Variants in SLIT3 observed in about 807,000 individuals in gnomAD.
SLIT3 encodes slit homolog 3 protein.
SLIT3 carries 68 observed loss-of-function variants against 184.0 expected under a neutral mutation model. That is an observed-to-expected ratio of 0.37 (90% confidence interval 0.30 to 0.45). The LOEUF (loss-of-function observed/expected upper bound fraction) is 0.45, where lower values mean the gene tolerates loss of function less well. Among genes scored for constraint, SLIT3 ranks in the 20% least tolerant of loss-of-function variants. The probability of loss-of-function intolerance (pLI) is 1.00; values close to 1 mark genes in which losing one functional copy is unlikely to be tolerated. For synonymous variants in SLIT3, 831 were observed against 828.6 expected, an observed-to-expected ratio of 1.00 and a Z score of -0.05; for missense variants, 1,707 against 2,026.0, an observed-to-expected ratio of 0.84 and a Z score of 3.02.
intron 4 of SLIT3, among the ~76,000 whole-genome samples, chr5:168,986,100 A>G (rs955205342): frequency 6.6e-6 from 1 of 152,216 alleles, no homozygotes; most frequent in African/African-American, 2.4e-5. Flanking sequence ...CTCAAAAGGC[A>G]TATGCATTCA....
At chr5:168,741,388 G>A (rs1763631308) in intron 20 of SLIT3, among the ~76,000 whole-genome samples, 1 of 150,924 alleles carries the variant, frequency 6.6e-6, no homozygotes, top group Non-Finnish European at 1.5e-5. Flanking sequence ...GGAAAATGGT[G>A]TGAACCCGGG....
At chr5:169,187,271 C>A (rs1372923361) in intron 4 of SLIT3, among the ~76,000 whole-genome samples, 1 of 151,974 alleles carries the variant, frequency 6.6e-6, no homozygotes, top group Non-Finnish European at 1.5e-5. Context: ...CACCACCACA[C>A]CCTGCTAATT....
intron 21 of SLIT3, among the ~76,000 whole-genome samples, chr5:168,723,747 AGCTGCACATTAGAATCACCT>A (rs979076982): frequency 2.6e-5 from 4 of 152,226 alleles, no homozygotes; most frequent in African/African-American, 9.6e-5. Context: ...TGGCAATGTT[AGCTGCACATTAGAATCACCT>A]GGGGAGCTTT....
chr5:168,732,921 G>T (rs953181906), intron 20 of SLIT3, among the ~76,000 whole-genome samples: 1 of 152,136 alleles, frequency 6.6e-6, no homozygotes, highest in Non-Finnish European at 1.5e-5. Context: ...AAGGATTTAT[G>T]ACTAAGTCCT....
chr5:168,967,435 A>ATTTTTTTTTTTTTTTTTTTTT (rs556216624), intron 4 of SLIT3, among the ~76,000 whole-genome samples: 21 of 30,754 alleles, frequency 6.8e-4, no homozygotes, highest in Admixed American at 8.8e-4. Context: ...GCCATCTCAA[A>ATTTTTTTTTTTTTTTTTTTTT]TCTTTTTTTT....
chr5:168,805,636 A>G (rs947280917), intron 9 of SLIT3, among the ~76,000 whole-genome samples: 1 of 152,228 alleles, frequency 6.6e-6, no homozygotes, highest in Non-Finnish European at 1.5e-5. Context: ...GTGGACAAAC[A>G]CATTTTACTG....
intron 23 of SLIT3, among the ~76,000 whole-genome samples, chr5:168,721,291 A>C (rs1257109150): frequency 3.9e-5 from 6 of 152,196 alleles, no homozygotes; most frequent in African/African-American, 1.4e-4. Flanking sequence ...GGTGTTAATC[A>C]GGCCCAGGAT....
intron 4 of SLIT3, among the ~76,000 whole-genome samples, chr5:168,910,947 C>G (rs1481487997): frequency 8.5e-5 from 13 of 152,086 alleles, no homozygotes; most frequent in Non-Finnish European, 1.9e-4. Context: ...AGCCCTCATG[C>G]CTTTTTGTAA....
intron 4 of SLIT3, among the ~76,000 whole-genome samples, chr5:169,132,559 T>C (rs549013644): frequency 2.0e-5 from 3 of 152,326 alleles, no homozygotes; most frequent in Admixed American, 6.5e-5. Context: ...CCAGAGGGTT[T>C]GCAGTTTCAG....
intron 8 of SLIT3, among the ~76,000 whole-genome samples, chr5:168,811,113 A>C (rs1420759398): frequency 6.6e-6 from 1 of 152,070 alleles, no homozygotes; most frequent in African/African-American, 2.4e-5. Flanking sequence ...AAGACCACCA[A>C]ATTTCACACT....
intron 3 of SLIT3, among the ~76,000 whole-genome samples, chr5:169,239,344 G>C (rs1765314304): frequency 6.6e-6 from 1 of 151,904 alleles, no homozygotes; most frequent in African/African-American, 2.4e-5. Context: ...GGTTATGCTG[G>C]CTAAATAGAC....
At chr5:168,807,753 T>C (rs941076764) in intron 8 of SLIT3, among the ~76,000 whole-genome samples, 11 of 152,174 alleles carry the variant, frequency 7.2e-5, no homozygotes, top group African/African-American at 2.6e-4. Flanking sequence ...GAAAAAGTGA[T>C]TTTTGGTTTG....
intron 4 of SLIT3, among the ~76,000 whole-genome samples, chr5:169,102,527 T>C (rs914424963): frequency 2.6e-4 from 40 of 152,348 alleles, no homozygotes; most frequent in African/African-American, 8.9e-4. Flanking sequence ...GTAAAGGCTA[T>C]GTAAATATTT....
At position 168,935,068 on chromosome 5, in the gene SLIT3, G is replaced by A. The variant is rs142623523; in HGVS notation, c.414-51732C>T. ...CAGGAGAATTGTTTGAACCCGGGAG[G>A]TGGAGGTTGTAGGGAGCCGACATCG... On this transcript the variant is annotated intron_variant, in intron 4 of 35. Transcript: ENST00000519560. Among the ~76,000 whole-genome samples the A allele has an allele frequency of 5.6e-3, 844 of 149,878 alleles. 6 individuals carry two copies. Among genetic ancestry groups the A allele is most frequent in the Admixed American group, 9.2e-3 (138 of 15,070 alleles).
intron 4 of SLIT3, among the ~76,000 whole-genome samples, chr5:169,140,480 CAAAAAAAAAAAA>C (rs34881862): frequency 0.12 from 5,623 of 46,992 alleles, 572 homozygotes; most frequent in African/African-American, 0.3. Context: ...AACTCTAACT[CAAAAAAAAAAAA>C]AAAAAAAAAA....
At chr5:168,819,380 G>A (rs1429732957) in intron 7 of SLIT3, among the ~76,000 whole-genome samples, 4 of 152,248 alleles carry the variant, frequency 2.6e-5, no homozygotes, top group Admixed American at 6.5e-5. Context: ...GGCAACAGTA[G>A]GTCTGTCTGG....
At chr5:168,769,999 C>A (rs189408995) in intron 14 of SLIT3, among the ~76,000 whole-genome samples, 9 of 152,338 alleles carry the variant, frequency 5.9e-5, no homozygotes, top group Admixed American at 5.9e-4. Flanking sequence ...GGACACTTTG[C>A]GTCACCACCC....
At chr5:168,942,504 A>G (rs751714636) in intron 4 of SLIT3, among the ~76,000 whole-genome samples, 3 of 152,194 alleles carry the variant, frequency 2.0e-5, no homozygotes, top group Non-Finnish European at 2.9e-5. Context: ...ATCTATGCAC[A>G]TTTCTTTCTG....
intron 16 of SLIT3, 79 bp downstream of exon 16, chr5:168,760,783 T>G (rs1581050451): frequency 1.9e-6 from 2 of 1,046,676 alleles, no homozygotes; most frequent in South Asian, 2.6e-5. Context: ...GAGAGGCCGG[T>G]CCCCTGGTTC....
Sources: gnomAD v4.1 joint callset for allele counts (sites outside exome capture counted in the v4.1 genomes callset) on GRCh38, gnomAD v4.1.1 for gene constraint, MANE v1.5 for transcripts, NCBI Gene and HGNC (gene_info 2026-07-23, HGNC 2026-07-21) for gene names.